The following EPHA4 variants were observed in gnomAD, a reference collection of about 807,000 sequenced individuals.
EPHA4 encodes the protein EPH receptor A4.
A neutral mutation model predicts 108.3 loss-of-function variants in EPHA4; 19 were observed. That is an observed-to-expected ratio of 0.18 (90% CI 0.12 to 0.26). The LOEUF is 0.26. EPHA4 is among the 10% of genes least tolerant of loss of function. The probability of loss-of-function intolerance (pLI) is 1.00; values close to 1 mark genes in which losing one functional copy is unlikely to be tolerated. For synonymous variants in EPHA4, 449 were observed against 455.5 expected, an observed-to-expected ratio of 0.99 and a Z score of 0.18; for missense variants, 917 against 1,254.0, an observed-to-expected ratio of 0.73 and a Z score of 4.06.
At chr2:221,572,318 A>G, upstream of EPHA4, 1 of 1,401,520 alleles carries the variant, frequency 7.1e-7, no homozygotes, top group Non-Finnish European at 1.0e-6. Context: ...TTAGGAGAGC[A>G]GCGGGCTGAA....
At chr2:221,471,389 C>T (rs1691484286) in intron 5 of EPHA4, among the ~76,000 whole-genome samples, 1 of 152,048 alleles carries the variant, frequency 6.6e-6, no homozygotes, top group Non-Finnish European at 1.5e-5. Context: ...TTCCTAAATA[C>T]TGGAGGAGTT....
At chr2:221,499,717 TATATATATATATATATA>T (rs1692413777) in intron 4 of EPHA4, among the ~76,000 whole-genome samples, 2 of 42,642 alleles carry the variant, frequency 4.7e-5, no homozygotes, top group Non-Finnish European at 7.9e-5. Flanking sequence ...CTAAAACTAA[TATATATATATATATATA>T]TATATATATA....
At chr2:221,473,869 C>T (rs73994262) in intron 5 of EPHA4, among the ~76,000 whole-genome samples, 7,478 of 152,200 alleles carry the variant, frequency 0.049, 651 homozygotes, top group African/African-American at 0.17. Flanking sequence ...GGAACAAGCA[C>T]AACACTGAGA....
chr2:221,467,000 G>C (rs564977933), intron 5 of EPHA4, among the ~76,000 whole-genome samples: 2 of 152,172 alleles, frequency 1.3e-5, no homozygotes. Context: ...AGGTACAGGG[G>C]TATCTGTGTA....
chr2:221,470,767 C>T (rs1691458741), intron 5 of EPHA4, among the ~76,000 whole-genome samples: 1 of 152,064 alleles, frequency 6.6e-6, no homozygotes, highest in African/African-American at 2.4e-5. Flanking sequence ...ACAGTCAGAA[C>T]ATTTTGAGAA....
At chr2:221,441,603 C>A (rs1018325334) in intron 11 of EPHA4, among the ~76,000 whole-genome samples, 1 of 152,152 alleles carries the variant, frequency 6.6e-6, no homozygotes, top group Non-Finnish European at 1.5e-5. Flanking sequence ...CACCCCGACT[C>A]TCCACTGAGC....
chr2:221,482,247 CTTGA>C (rs1559260056), intron 5 of EPHA4, 101 bp downstream of exon 5: 8 of 1,183,954 alleles, frequency 6.8e-6, no homozygotes, highest in Non-Finnish European at 8.2e-6. Context: ...AGCTCCCAGG[CTTGA>C]TTGATTCTAT....
chr2:221,546,176 G>T (rs1007736114), intron 3 of EPHA4, among the ~76,000 whole-genome samples: 1 of 152,166 alleles, frequency 6.6e-6, no homozygotes, highest in African/African-American at 2.4e-5. Flanking sequence ...AAGCCTATAT[G>T]GGGATGGGGG....
intron 5 of EPHA4, among the ~76,000 whole-genome samples, chr2:221,473,330 T>C (rs978556598): frequency 2.0e-5 from 3 of 151,958 alleles, no homozygotes; most frequent in Non-Finnish European, 2.9e-5. Context: ...ATGTAAACCC[T>C]AAAAAACATC....
intron 3 of EPHA4, among the ~76,000 whole-genome samples, chr2:221,507,213 A>G (rs939213009): frequency 1.3e-5 from 2 of 152,210 alleles, no homozygotes; most frequent in African/African-American, 4.8e-5. Context: ...GTTACTCTGC[A>G]GTGCCTCCCC....
chr2:221,456,682 G>T lies in EPHA4; in HGVS notation c.1534C>A (p.His512Asn). The T allele has an allele frequency of 6.2e-7, 1 of 1,613,888 alleles. No homozygotes were observed. The highest frequency in any genetic ancestry group is 8.5e-7 in the Non-Finnish European group (1 of 1,179,882). ...CCAGCTGCTGTCCTGGCTCGCACGTGGAAAACATAGGAAGTGAGAGGGTTC... is the reference window on the plus strand; with the variant it reads ...CCAGCTGCTGTCCTGGCTCGCACGTTGAAAACATAGGAAGTGAGAGGGTTC... ...GLNPLTSYVF[H>N]VRARTAAGYG... Residue 512 changes from histidine (H) to asparagine (N), a missense_variant, in exon 7 of 18, where the codon CAC (histidine) becomes AAC (asparagine). This residue lies in a region of EPHA4 where 758 missense variants were observed against 1,076.7 expected (regional missense o/e 0.70). Transcript: ENST00000281821.
At chr2:221,534,395 T>C (rs1693603108) in intron 3 of EPHA4, among the ~76,000 whole-genome samples, 1 of 152,204 alleles carries the variant, frequency 6.6e-6, no homozygotes, top group South Asian at 2.1e-4. Flanking sequence ...AGGTTTTTCT[T>C]GTATTGGAAT....
intron 5 of EPHA4, among the ~76,000 whole-genome samples, chr2:221,459,438 C>T (rs1337295388): frequency 6.6e-6 from 1 of 151,982 alleles, no homozygotes; most frequent in Non-Finnish European, 1.5e-5. Context: ...GTTAGTAATA[C>T]CAACCCCAGT....
intron 4 of EPHA4, among the ~76,000 whole-genome samples, chr2:221,496,424 A>G (rs1692298233): frequency 6.6e-6 from 1 of 152,200 alleles, no homozygotes; most frequent in African/African-American, 2.4e-5. Flanking sequence ...CAGGTCCATT[A>G]TATTCACTAG....
intron 4 of EPHA4, among the ~76,000 whole-genome samples, chr2:221,485,030 G>A (rs1352152448): frequency 6.6e-5 from 10 of 152,136 alleles, no homozygotes; most frequent in Admixed American, 3.3e-4. Flanking sequence ...TATCAAATGG[G>A]TCAGTCATTG....
intron 3 of EPHA4, among the ~76,000 whole-genome samples, chr2:221,537,406 T>C (rs1257221591): frequency 6.6e-6 from 1 of 152,240 alleles, no homozygotes; most frequent in Non-Finnish European, 1.5e-5. Flanking sequence ...ATCTCATTTA[T>C]CAATAGCCTG....
chr2:221,530,781 G>A (rs1380156556), intron 3 of EPHA4, among the ~76,000 whole-genome samples: 2 of 152,124 alleles, frequency 1.3e-5, no homozygotes, highest in Non-Finnish European at 2.9e-5. Context: ...GCAGGACATC[G>A]TGGTCTGCAG....
At chr2:221,522,765 TTATTATTA>T (rs1559278109) in intron 3 of EPHA4, among the ~76,000 whole-genome samples, 14 of 87,776 alleles carry the variant, frequency 1.6e-4, no homozygotes, top group African/African-American at 5.5e-4. Flanking sequence ...ATTATTATTA[TTATTATTA>T]TTTTTTTGAG....
chr2:221,484,625 T>C (rs1676278612), intron 4 of EPHA4, among the ~76,000 whole-genome samples: 1 of 152,216 alleles, frequency 6.6e-6, no homozygotes, highest in African/African-American at 2.4e-5. Context: ...TAATGACAAA[T>C]GAATGCTTTT....
Sources: gnomAD v4.1 joint callset for allele counts (sites outside exome capture counted in the v4.1 genomes callset) on GRCh38, gnomAD v4.1.1 for gene constraint, gnomAD v4.1.1 regional missense constraint, MANE v1.5 for transcripts, NCBI Gene and HGNC (gene_info 2026-07-23, HGNC 2026-07-21) for gene names.